USP8: variants seen among roughly 807,000 people sequenced by gnomAD.
The protein encoded by USP8 is ubiquitin carboxyl-terminal hydrolase 8.
Under a neutral mutation model 130.0 loss-of-function variants are expected in USP8, and 27 were observed. The ratio of observed to expected loss-of-function variants is 0.21; its 90% CI spans 0.15 to 0.29. The LOEUF (loss-of-function observed/expected upper bound fraction) is 0.29. USP8 is among the 10% of genes least tolerant of loss of function. The pLI is 1.00. For missense variants in USP8, 1,029 were observed against 1,312.2 expected, an observed-to-expected ratio of 0.78 and a Z score of 3.33; for synonymous variants, 392 against 444.1, an observed-to-expected ratio of 0.88 and a Z score of 1.48.
At chr15:50,495,486 A>AGC (rs2052358845) in intron 16 of USP8, among the ~76,000 whole-genome samples, 1 of 106,788 alleles carries the variant, frequency 9.4e-6, no homozygotes, top group Non-Finnish European at 2.1e-5. Context: ...TAGAGATTGG[A>AGC]GGGGGGGGTC....
At chr15:50,444,195 C>T (rs540665106) in intron 3 of USP8, among the ~76,000 whole-genome samples, 2 of 150,986 alleles carry the variant, frequency 1.3e-5, no homozygotes, top group East Asian at 1.9e-4. Flanking sequence ...CCTCCACCTC[C>T]CAAGTTCAAG....
intron 1 of USP8, chr15:50,432,478 G>A (rs2049962895): frequency 6.6e-6 from 1 of 152,198 alleles, no homozygotes; most frequent in South Asian, 2.1e-4. Flanking sequence ...CATGGAGAAA[G>A]TCTTGCTGCT....
rs192872099 is a variant in USP8, at chr15:50,470,832, A to G, written c.687-801A>G. On this transcript the variant is annotated intron_variant, in intron 7 of 19. Transcript: ENST00000307179. The stretch of plus-strand genomic sequence containing the variant: ...AGGCTGGTCTTGAACTCCTGACCTC[A>G]GGTGATCCACCCGCCTCAGCCTCCC... Among the ~76,000 whole-genome samples the G allele has an allele frequency of 4.0e-3, 612 of 152,018 alleles. 4 individuals carry two copies. The highest frequency in any genetic ancestry group is 0.014 in the African/African-American group (583 of 41,480).
chr15:50,463,199 C>T (rs3131570), intron 6 of USP8, among the ~76,000 whole-genome samples: 31,224 of 152,050 alleles, frequency 0.21, 3,527 homozygotes, highest in Admixed American at 0.31. Flanking sequence ...CAGTGAGCCA[C>T]GATCACACCA....
At chr15:50,470,663 C>G (rs1192490726) in intron 7 of USP8, among the ~76,000 whole-genome samples, 1 of 148,434 alleles carries the variant, frequency 6.7e-6, no homozygotes, top group Non-Finnish European at 1.5e-5. Context: ...AGTGCAGTGG[C>G]ATGATCTTGG....
chr15:50,492,137 T>C (rs2052198764), intron 14 of USP8, among the ~76,000 whole-genome samples: 1 of 152,090 alleles, frequency 6.6e-6, no homozygotes, highest in South Asian at 2.1e-4. Context: ...GGTGGGATTA[T>C]AGACAGCCAT....
chr15:50,430,200 A>C (rs2141244447), intron 1 of USP8, among the ~76,000 whole-genome samples: 1 of 152,274 alleles, frequency 6.6e-6, no homozygotes, highest in East Asian at 1.9e-4. Flanking sequence ...AAGCCAGTTT[A>C]GACAGTCACT....
chr15:50,465,258 TTAC>T, intron 7 of USP8, 67 bp downstream of exon 7: 1 of 1,497,344 alleles, frequency 6.7e-7, no homozygotes, highest in Non-Finnish European at 8.9e-7. Flanking sequence ...TTAGTAAATG[TTAC>T]TACTTAGCAT....
intron 2 of USP8, 36 bp downstream of exon 2, chr15:50,439,213 A>G (rs2050172727): frequency 1.5e-6 from 2 of 1,300,330 alleles, no homozygotes; most frequent in East Asian, 2.6e-5. Context: ...ATTGAATCAA[A>G]TATTAATTTT....
intron 4 of USP8, chr15:50,458,693 T>C (rs979474794): frequency 4.5e-6 from 1 of 221,372 alleles, no homozygotes; most frequent in African/African-American, 2.3e-5. Context: ...TTAGGATTTT[T>C]CCTTTGAAAA....
At chr15:50,431,054 G>T (rs2049914406) in intron 1 of USP8, among the ~76,000 whole-genome samples, 3 of 152,102 alleles carry the variant, frequency 2.0e-5, no homozygotes, top group Admixed American at 2.0e-4. Flanking sequence ...GTGAGTGATG[G>T]CAAGGTTGAG....
intron 12 of USP8, among the ~76,000 whole-genome samples, chr15:50,485,732 A>G (rs1186651956): frequency 6.6e-6 from 1 of 151,860 alleles, no homozygotes; most frequent in Non-Finnish European, 1.5e-5. Flanking sequence ...TCTCTGGGAT[A>G]TATATACAGT....
chr15:50,441,990 T>C (rs2050276802), intron 3 of USP8, among the ~76,000 whole-genome samples: 1 of 148,668 alleles, frequency 6.7e-6, no homozygotes, highest in Non-Finnish European at 1.5e-5. Flanking sequence ...TTTTTTTTTT[T>C]TTTGAGACGG....
chr15:50,449,492 A>G lies in USP8; in HGVS notation c.335+7A>G, dbSNP rs761711198. The G allele has an allele frequency of 6.8e-6, 10 of 1,480,826 alleles. No individual in the cohort carries two copies. The highest frequency in any genetic ancestry group is 9.1e-6 in the Non-Finnish European group (10 of 1,095,236). 91.7% of individuals were successfully genotyped at this position (1,480,826 alleles called of 1,614,324 possible). The stretch of plus-strand genomic sequence containing the variant: ...CTGAAAGCCTTAAATTAAGGTACAG[A>G]TATTATGAAATATTTAAAATAATGT... On this transcript the variant is annotated splice_region_variant and intron_variant, in intron 4 of 19. Transcript: ENST00000307179.
At chr15:50,465,850 G>A (rs2051171788) in intron 7 of USP8, among the ~76,000 whole-genome samples, 1 of 152,174 alleles carries the variant, frequency 6.6e-6, no homozygotes, top group African/African-American at 2.4e-5. Flanking sequence ...ACTAGGTAGT[G>A]ACCTAACATT....
chr15:50,502,920 G>A lies in USP8; in HGVS notation c.*3832G>A, dbSNP rs1596002106. ...CTCATCTATTAACATGGCTTGTTTTGTATAGCTGTTATCAAATATCTCATG... is the reference window on the plus strand; with the variant it reads ...CTCATCTATTAACATGGCTTGTTTTATATAGCTGTTATCAAATATCTCATG... On this transcript the variant is annotated 3_prime_UTR_variant, in exon 20 of 20. Transcript: ENST00000307179. 6.6e-6 allele frequency: 1 copy of A among 152,238 alleles called. No homozygotes were observed. The highest frequency in any genetic ancestry group is 2.1e-4 in the South Asian group (1 of 4,820). The allele number at this position is 152,238 out of a possible 1,614,324, so 9.4% of individuals were successfully genotyped here.
At chr15:50,424,618 G>C (rs1169832979) in intron 1 of USP8, 104 bp downstream of exon 1, 2 of 397,192 alleles carry the variant, frequency 5.0e-6, no homozygotes, top group East Asian at 3.6e-5. Context: ...CCGGAGACAA[G>C]CTCTGTCCGC....
intron 8 of USP8, 60 bp from the exon 9 acceptor site, chr15:50,476,789 T>C (rs892903151): frequency 6.8e-7 from 1 of 1,473,922 alleles, no homozygotes; most frequent in African/African-American, 1.5e-5. Context: ...TTAGATTTGT[T>C]GTGTTTTTAG....
intron 16 of USP8, 87 bp from the exon 17 acceptor site, chr15:50,495,761 G>A: frequency 4.7e-6 from 5 of 1,064,522 alleles, no homozygotes; most frequent in South Asian, 1.6e-5. Flanking sequence ...TTCTAAATCT[G>A]GCAAGTGTTT....
Sources: gnomAD v4.1 joint callset for allele counts (sites outside exome capture counted in the v4.1 genomes callset) on GRCh38, gnomAD v4.1.1 for gene constraint, MANE v1.5 for transcripts, NCBI Gene and HGNC (gene_info 2026-07-23, HGNC 2026-07-21) for gene names.